Variants in ROBO2 observed in about 807,000 individuals in gnomAD.
ROBO2 encodes the protein roundabout homolog 2.
ROBO2 carries 53 observed loss-of-function variants against 160.8 expected under a neutral mutation model. The observed-to-expected ratio is 0.33, with a 90% CI of 0.26 to 0.41. ROBO2 has a LOEUF of 0.41. Among genes scored for constraint, ROBO2 ranks in the 10% least tolerant of loss-of-function variants. The pLI is 1.00. For synonymous variants in ROBO2, 664 were observed against 611.7 expected (o/e 1.09, Z -1.26); for missense variants, 1,577 against 1,722.4 (o/e 0.92, Z 1.49).
At chr3:76,420,177 T>C (rs535096820) in intron 2 of ROBO2, among the ~76,000 whole-genome samples, 1 of 152,262 alleles carries the variant, frequency 6.6e-6, no homozygotes, top group South Asian at 2.1e-4. Context: ...ATATTATCAT[T>C]ACACTATTTT....
chr3:76,481,555 CAAAGCT>C (rs1174153741), intron 2 of ROBO2, among the ~76,000 whole-genome samples: 2 of 152,120 alleles, frequency 1.3e-5, no homozygotes, highest in African/African-American at 2.4e-5. Flanking sequence ...ATGAATGAAT[CAAAGCT>C]TATACCACTG....
In ROBO2 at chr3:76,039,157, G is replaced by A. The variant is rs760591955; in HGVS notation, c.109+101555G>A. 3.9e-4 allele frequency among the ~76,000 whole-genome samples: 60 copies of A among 152,090 alleles called. No homozygotes were observed. The Middle Eastern group carries it at 0.02, about 52-fold the overall frequency. ...TGGCCATAGTAAAGACTGGCATTAG[G>A]TTGACTAGAGAAGGATGCGGTACAG... On this transcript the variant is annotated intron_variant, in intron 2 of 26. Coordinates refer to the ROBO2 transcript ENST00000487694.
rs189436808 is a variant in ROBO2, at chr3:76,435,510, C to T, written c.109+497908C>T. On this transcript the variant is annotated intron_variant, in intron 2 of 26. Transcript: ENST00000487694. ...AAGATGGTTCTTTTCGCGATTTCCT[C>T]TACCTTGGTGCTCTTAAAACTGCTT... 3,040 of 646,084 alleles carry T rather than the reference C, an allele frequency of 4.7e-3. 11 individuals are homozygous for T. Among genetic ancestry groups the T allele is most frequent in the Non-Finnish European group, 4.7e-3 (1,680 of 354,540 alleles). The allele number at this position is 646,084 out of a possible 1,614,324, so 40.0% of individuals were successfully genotyped here.
chr3:77,428,612 T>C (rs1367499430), intron 2 of ROBO2, among the ~76,000 whole-genome samples: 2 of 151,966 alleles, frequency 1.3e-5, no homozygotes, highest in African/African-American at 4.8e-5. Context: ...CGCCTCGGCC[T>C]CCCAAAGTGC....
At chr3:77,197,265 G>A (rs1579877814) in intron 2 of ROBO2, among the ~76,000 whole-genome samples, 1 of 152,170 alleles carries the variant, frequency 6.6e-6, no homozygotes, top group Middle Eastern at 3.4e-3. Context: ...GTATACTTAG[G>A]TATCAACTGC....
chr3:76,805,467 G>A (rs921038467), intron 2 of ROBO2, among the ~76,000 whole-genome samples: 2 of 151,144 alleles, frequency 1.3e-5, no homozygotes, highest in African/African-American at 4.9e-5. Flanking sequence ...TTGATTTTTT[G>A]TTCTAGAAAT....
chr3:77,477,646 C>A, intron 3 of ROBO2, 75 bp downstream of exon 3: 3 of 1,340,520 alleles, frequency 2.2e-6, no homozygotes, highest in Non-Finnish European at 2.1e-6. Flanking sequence ...GTATTTTATT[C>A]TTTAACATTA....
intron 2 of ROBO2, among the ~76,000 whole-genome samples, chr3:76,265,278 G>A (rs1280132867): frequency 2.6e-5 from 4 of 152,140 alleles, no homozygotes; most frequent in South Asian, 2.1e-4. Flanking sequence ...ACTCATCTTC[G>A]TCTAGGTGTC....
At chr3:76,294,450 C>T (rs1461978128) in intron 2 of ROBO2, among the ~76,000 whole-genome samples, 2 of 152,194 alleles carry the variant, frequency 1.3e-5, no homozygotes, top group Admixed American at 6.5e-5. Flanking sequence ...AGAGTTGTCA[C>T]TGAGCTTTAC....
intron 5 of ROBO2, among the ~76,000 whole-genome samples, chr3:77,501,000 G>C (rs1582500406): frequency 6.6e-6 from 1 of 152,330 alleles, no homozygotes; most frequent in East Asian, 1.9e-4. Context: ...GCAGAGCCAA[G>C]ACCAGGTGCC....
In ROBO2 at chr3:77,566,991, CAG is replaced by C. The variant is rs568247478; in HGVS notation, c.1850-1320_1850-1319del. Among the ~76,000 whole-genome samples the C allele has an allele frequency of 6.6e-5, 10 of 151,380 alleles. No homozygotes were observed. The South Asian group carries it at 2.1e-3, about 32-fold the overall frequency. ...AATACTTGGATTATCAGCATCAAAA[CAG>C]AACATACATATATAGGCATAGATTA... is the stretch of plus-strand genomic sequence containing the variant. On this transcript the variant is annotated intron_variant, in intron 12 of 25. Transcript: ENST00000461745.
At chr3:76,389,564 C>G (rs895614932) in intron 2 of ROBO2, among the ~76,000 whole-genome samples, 4 of 152,152 alleles carry the variant, frequency 2.6e-5, no homozygotes, top group Non-Finnish European at 4.4e-5. Flanking sequence ...ACTCTTCAGC[C>G]TATGTGCTCT....
At chr3:76,487,521 G>A (rs1317655866) in intron 2 of ROBO2, among the ~76,000 whole-genome samples, 2 of 152,162 alleles carry the variant, frequency 1.3e-5, no homozygotes, top group East Asian at 3.9e-4. Context: ...TGGAGCTTCT[G>A]TTTAAGATTT....
intron 2 of ROBO2, among the ~76,000 whole-genome samples, chr3:77,275,459 G>T (rs1229021707): frequency 3.3e-5 from 5 of 152,120 alleles, no homozygotes; most frequent in Non-Finnish European, 7.4e-5. Context: ...CCATTACTTT[G>T]TGGCTAAAGA....
At position 76,365,735 on chromosome 3, in the gene ROBO2, A is replaced by T. The variant is rs573584718; in HGVS notation, c.109+428133A>T. Among the ~76,000 whole-genome samples, 7 of 152,194 alleles carry T rather than the reference A, an allele frequency of 4.6e-5. No homozygotes were observed. The South Asian group carries it at 1.5e-3, about 32-fold the overall frequency. On this transcript the variant is annotated intron_variant, in intron 2 of 26. Transcript: ENST00000487694. ...CAAATATCTTGAAAACTATCTATTAAATTGAATCTTTGAGCTGGATTTGTC... is the reference window on the plus strand; with the variant it reads ...CAAATATCTTGAAAACTATCTATTATATTGAATCTTTGAGCTGGATTTGTC...
At chr3:77,043,838 C>G (rs1047139777) in intron 1 of ROBO2, among the ~76,000 whole-genome samples, 1 of 151,758 alleles carries the variant, frequency 6.6e-6, no homozygotes, top group Non-Finnish European at 1.5e-5. Flanking sequence ...TCATCTTTAC[C>G]CTTTAACTAT....
At chr3:77,223,221 C>CA (rs2086050083) in intron 2 of ROBO2, among the ~76,000 whole-genome samples, 1 of 152,004 alleles carries the variant, frequency 6.6e-6, no homozygotes, top group Non-Finnish European at 1.5e-5. Context: ...TGTAGACTTT[C>CA]AAAAAATAGG....
At chr3:76,769,582 A>G (rs9851324) in intron 2 of ROBO2, among the ~76,000 whole-genome samples, 2,981 of 151,602 alleles carry the variant, frequency 0.02, 92 homozygotes, top group African/African-American at 0.067. Context: ...AAAAGACAAT[A>G]GTCATTTCAT....
intron 11 of ROBO2, chr3:77,564,398 C>A (rs1006526972): frequency 2.2e-6 from 1 of 452,256 alleles, no homozygotes; most frequent in South Asian, 1.6e-5. Flanking sequence ...ATTTTATTAA[C>A]AATGTAACCA....
Sources: gnomAD v4.1 joint callset for allele counts (sites outside exome capture counted in the v4.1 genomes callset) on GRCh38, gnomAD v4.1.1 for gene constraint, MANE v1.5 for transcripts, NCBI Gene and HGNC (gene_info 2026-07-23, HGNC 2026-07-21) for gene names.